The following BMPR1B variants were observed in gnomAD, a reference collection of about 807,000 sequenced individuals.
BMPR1B encodes the protein bone morphogenetic protein receptor type 1B.
BMPR1B carries 12 observed loss-of-function variants against 59.1 expected under a neutral mutation model. That is an observed-to-expected ratio of 0.20 (90% CI 0.13 to 0.33). The LOEUF is 0.33. BMPR1B is among the 10% of genes least tolerant of loss of function. BMPR1B has a pLI of 1.00. For synonymous variants in BMPR1B, 237 were observed against 207.3 expected (o/e 1.14, Z -1.23); for missense variants, 550 against 610.9 (o/e 0.90, Z 1.05).
chr4:95,138,714 G>T (rs910775975), intron 10 of BMPR1B, among the ~76,000 whole-genome samples: 1 of 152,020 alleles, frequency 6.6e-6, no homozygotes, highest in Non-Finnish European at 1.5e-5. Context: ...ACTGAAGCTT[G>T]TGCATGCATC....
chr4:94,837,032 T>C (rs1297596558), intron 1 of BMPR1B, among the ~76,000 whole-genome samples: 1 of 143,806 alleles, frequency 7.0e-6, no homozygotes, highest in African/African-American at 2.6e-5. Context: ...TCCCCATTGC[T>C]TGTTTTTCTC....
At chr4:95,091,666 TTTTTTTTTTCCCTCCAAAAAATGTA>T (rs2149249242) in intron 3 of BMPR1B, 1 of 942,418 alleles carries the variant, frequency 1.1e-6, no homozygotes, top group East Asian at 1.2e-4. Context: ...ACAGAGACTG[TTTTTTTTTTCCCTCCAAAAAATGTA>T]AGCAAGATGA....
At chr4:94,814,014 AG>A (rs1367008795) in intron 1 of BMPR1B, among the ~76,000 whole-genome samples, 2 of 152,184 alleles carry the variant, frequency 1.3e-5, no homozygotes, top group African/African-American at 2.4e-5. Context: ...CCAAGTAGGC[AG>A]CTGTATATAC....
At chr4:94,824,662 A>G (rs1040244356) in intron 1 of BMPR1B, among the ~76,000 whole-genome samples, 1 of 152,236 alleles carries the variant, frequency 6.6e-6, no homozygotes, top group Non-Finnish European at 1.5e-5. Flanking sequence ...TTTACTTGTG[A>G]AATAAGGCAA....
intron 2 of BMPR1B, among the ~76,000 whole-genome samples, chr4:94,922,951 G>A (rs1466342690): frequency 1.3e-5 from 2 of 151,904 alleles, no homozygotes; most frequent in South Asian, 2.1e-4. Context: ...TTTGAGTTCC[G>A]AAGAGCCAAA....
intron 1 of BMPR1B, among the ~76,000 whole-genome samples, chr4:94,829,593 A>G (rs1218813391): frequency 1.3e-5 from 2 of 152,120 alleles, no homozygotes; most frequent in African/African-American, 4.8e-5. Context: ...GGTCCTTAGT[A>G]GGGGCTTCAT....
At chr4:94,833,623 C>T (rs1436910780) in intron 1 of BMPR1B, among the ~76,000 whole-genome samples, 1 of 152,154 alleles carries the variant, frequency 6.6e-6, no homozygotes, top group East Asian at 1.9e-4. Flanking sequence ...TTCCCATCAG[C>T]CCCCAACACC....
At chr4:94,880,782 C>T (rs975655053) in intron 2 of BMPR1B, among the ~76,000 whole-genome samples, 6 of 151,540 alleles carry the variant, frequency 4.0e-5, no homozygotes, top group South Asian at 4.2e-4. Context: ...AGATTACAGG[C>T]GTGCCACCAT....
At chr4:94,968,401 A>G (rs534765870) in intron 2 of BMPR1B, among the ~76,000 whole-genome samples, 34 of 151,764 alleles carry the variant, frequency 2.2e-4, no homozygotes, top group Non-Finnish European at 3.5e-4. Context: ...AGCTATTTTT[A>G]TGTGTTGTAG....
At chr4:95,126,610 G>A (rs11936736) in intron 8 of BMPR1B, among the ~76,000 whole-genome samples, 15,798 of 152,172 alleles carry the variant, frequency 0.1, 2,018 homozygotes, top group African/African-American at 0.3. Flanking sequence ...TTCAAACCCA[G>A]ATGATCTGTG....
chr4:94,949,308 CTTTT>C (rs1216699208), intron 2 of BMPR1B, among the ~76,000 whole-genome samples: 1 of 81,934 alleles, frequency 1.2e-5, no homozygotes. Flanking sequence ...TGAACTCATT[CTTTT>C]TTTTTTTTTT....
chr4:95,122,864 A>G (rs758386037), intron 6 of BMPR1B, among the ~76,000 whole-genome samples: 14 of 152,168 alleles, frequency 9.2e-5, no homozygotes, highest in Non-Finnish European at 2.1e-4. Context: ...TTACAATACT[A>G]CCTTTTAAAA....
intron 3 of BMPR1B, among the ~76,000 whole-genome samples, chr4:94,998,632 C>A (rs372319823): frequency 6.6e-6 from 1 of 152,106 alleles, no homozygotes; most frequent in Non-Finnish European, 1.5e-5. Flanking sequence ...CTCGGCCTCC[C>A]AAAGTGCTGG....
intron 10 of BMPR1B, among the ~76,000 whole-genome samples, chr4:95,146,568 T>C (rs1734661397): frequency 6.6e-6 from 1 of 152,206 alleles, no homozygotes. Flanking sequence ...CCTTTCTAAA[T>C]GCCCTTCTGT....
At chr4:95,125,300 G>C (rs1732829114) in intron 8 of BMPR1B, among the ~76,000 whole-genome samples, 179 bp downstream of exon 8, 1 of 152,184 alleles carries the variant, frequency 6.6e-6, no homozygotes, top group African/African-American at 2.4e-5. Context: ...TTGAGAGTAA[G>C]GTGATTGTTT....
chr4:94,855,365 A>G (rs1560517237), intron 1 of BMPR1B, among the ~76,000 whole-genome samples: 2 of 152,204 alleles, frequency 1.3e-5, no homozygotes, highest in Non-Finnish European at 2.9e-5. Context: ...TCACACAGCT[A>G]TTAAATAGTA....
intron 3 of BMPR1B, among the ~76,000 whole-genome samples, chr4:95,063,090 A>T (rs1727521794): frequency 6.6e-6 from 1 of 152,124 alleles, no homozygotes; most frequent in Non-Finnish European, 1.5e-5. Flanking sequence ...GATTGTTTTT[A>T]TTATTTCTCT....
At chr4:94,983,357 A>T (rs1721219534) in intron 2 of BMPR1B, among the ~76,000 whole-genome samples, 1 of 152,152 alleles carries the variant, frequency 6.6e-6, no homozygotes, top group Non-Finnish European at 1.5e-5. Context: ...CATATATCCA[A>T]CGCTTAAAAC....
chr4:94,972,471 A>G (rs1333598205), intron 2 of BMPR1B, among the ~76,000 whole-genome samples: 2 of 152,146 alleles, frequency 1.3e-5, no homozygotes, highest in South Asian at 2.1e-4. Flanking sequence ...TCCTAGGTGT[A>G]CATACCCATA....
Sources: gnomAD v4.1 joint callset for allele counts (sites outside exome capture counted in the v4.1 genomes callset) on GRCh38, gnomAD v4.1.1 for gene constraint, MANE v1.5 for transcripts, NCBI Gene and HGNC (gene_info 2026-07-23, HGNC 2026-07-21) for gene names.